ARHGAP20: variants seen among roughly 807,000 people sequenced by gnomAD.
The protein encoded by ARHGAP20 is Rho GTPase activating protein 20, also known as rho GTPase-activating protein 20.
ARHGAP20 carries 34 observed loss-of-function variants against 73.7 expected under a neutral mutation model. The ratio of observed to expected loss-of-function variants is 0.46; its 90% CI spans 0.35 to 0.61. ARHGAP20 has a LOEUF of 0.61. Ranked by LOEUF, ARHGAP20 falls within the 20% of genes least tolerant of loss-of-function variation. The pLI is 0.00. For synonymous variants in ARHGAP20, 523 were observed against 518.2 expected (o/e 1.01, Z -0.13); for missense variants, 1,314 against 1,420.9 (o/e 0.92, Z 1.21).
intron 2 of ARHGAP20, among the ~76,000 whole-genome samples, chr11:110,685,599 T>C (rs1161659341): frequency 6.6e-6 from 1 of 152,146 alleles, no homozygotes; most frequent in Admixed American, 6.5e-5. Flanking sequence ...TACAGTTAAC[T>C]CATCAGTTAA....
chr11:110,583,797 A>G, intron 12 of ARHGAP20, 60 bp from the exon 13 acceptor site: 4 of 1,355,842 alleles, frequency 3.0e-6, no homozygotes, highest in Non-Finnish European at 3.9e-6. Context: ...TGTAAAGACA[A>G]GCAACTCTCA....
intron 2 of ARHGAP20, among the ~76,000 whole-genome samples, chr11:110,670,393 A>G (rs969574822): frequency 2.0e-5 from 3 of 152,068 alleles, no homozygotes; most frequent in African/African-American, 7.2e-5. Context: ...TGAAAGAAGG[A>G]ACATTATAGC....
intron 1 of ARHGAP20, among the ~76,000 whole-genome samples, chr11:110,700,610 T>G (rs1565484904): frequency 1.3e-5 from 2 of 151,980 alleles, no homozygotes; most frequent in African/African-American, 4.8e-5. Context: ...TTATTATACT[T>G]TAAGTTTTAG....
At chr11:110,598,562 T>C (rs1296450928) in intron 9 of ARHGAP20, among the ~76,000 whole-genome samples, 2 of 152,250 alleles carry the variant, frequency 1.3e-5, no homozygotes, top group Admixed American at 1.3e-4. Context: ...AAGTAGATTA[T>C]ATAAACAGAT....
intron 9 of ARHGAP20, among the ~76,000 whole-genome samples, chr11:110,602,981 GA>G (rs1299697301): frequency 6.6e-6 from 1 of 152,168 alleles, no homozygotes; most frequent in Non-Finnish European, 1.5e-5. Context: ...GTGTGGAGCA[GA>G]AAAAGGTGTA....
chr11:110,615,723 T>G (rs959032222), intron 4 of ARHGAP20, 129 bp from the exon 5 acceptor site: 3 of 768,588 alleles, frequency 3.9e-6, no homozygotes, highest in Non-Finnish European at 6.4e-6. Flanking sequence ...ACACATAAGC[T>G]GCAACCTTGG....
At chr11:110,674,477 T>C (rs180909546) in intron 2 of ARHGAP20, among the ~76,000 whole-genome samples, 1 of 152,288 alleles carries the variant, frequency 6.6e-6, no homozygotes, top group Admixed American at 6.5e-5. Context: ...ATACTTGATC[T>C]CATGTGACAA....
intron 14 of ARHGAP20, 61 bp from the exon 15 acceptor site, chr11:110,581,286 C>G (rs1947461725): frequency 1.4e-6 from 2 of 1,454,560 alleles, no homozygotes; most frequent in African/African-American, 3.3e-5. Flanking sequence ...CTCATGCTTC[C>G]TTAAGAACAA....
At chr11:110,678,357 A>G (rs74497698) in intron 2 of ARHGAP20, among the ~76,000 whole-genome samples, 3,164 of 152,334 alleles carry the variant, frequency 0.021, 101 homozygotes, top group African/African-American at 0.07. Context: ...GGTGAATTAT[A>G]CCATAAGAAC....
chr11:110,639,651 T>C (rs906108927), intron 2 of ARHGAP20, among the ~76,000 whole-genome samples: 3 of 152,054 alleles, frequency 2.0e-5, no homozygotes, highest in African/African-American at 4.8e-5. Context: ...TCTGTCTCTA[T>C]GGAGTTGCCT....
chr11:110,708,744 TAGAA>T (rs1344102337), intron 1 of ARHGAP20, among the ~76,000 whole-genome samples: 1 of 152,114 alleles, frequency 6.6e-6, no homozygotes, highest in Non-Finnish European at 1.5e-5. Flanking sequence ...ATTAAGGAAT[TAGAA>T]AGGGACATGA....
At chr11:110,645,339 A>C (rs1949167866) in intron 2 of ARHGAP20, among the ~76,000 whole-genome samples, 1 of 152,122 alleles carries the variant, frequency 6.6e-6, no homozygotes, top group Non-Finnish European at 1.5e-5. Flanking sequence ...GAAGACATAC[A>C]AGTGGCCCAC....
chr11:110,634,314 T>C, intron 2 of ARHGAP20, among the ~76,000 whole-genome samples: 1 of 152,068 alleles, frequency 6.6e-6, no homozygotes, highest in South Asian at 2.1e-4. Context: ...AAGGTGACTT[T>C]AAGGATTCTA....
chr11:110,608,450 C>G (rs1294629992), intron 8 of ARHGAP20, among the ~76,000 whole-genome samples: 1 of 152,056 alleles, frequency 6.6e-6, no homozygotes, highest in South Asian at 2.1e-4. Flanking sequence ...AATTTAATTA[C>G]TGAAGTAGCA....
At chr11:110,669,181 T>C (rs116312071) in intron 2 of ARHGAP20, among the ~76,000 whole-genome samples, 1 of 152,318 alleles carries the variant, frequency 6.6e-6, no homozygotes, top group African/African-American at 2.4e-5. Context: ...GCAAGTTATA[T>C]ACTAGGGTAA....
intron 2 of ARHGAP20, among the ~76,000 whole-genome samples, chr11:110,631,854 C>T (rs1359946131): frequency 6.6e-6 from 1 of 152,154 alleles, no homozygotes; most frequent in Non-Finnish European, 1.5e-5. Context: ...CCAGTCAATC[C>T]TGACTTGATC....
rs767457884 is a variant in ARHGAP20 at position 110,580,102 on chromosome 11, T to C, written c.2844A>G (p.Ser948=). Residue 948 remains serine, a synonymous_variant, in exon 15 of 15, where the codon TCA becomes TCG. Transcript: ENST00000683387. ...AAGCACTGTCTTGGGAGCTTACTGA[T>C]GAGCCGGATGGGGAAGTGCCTGGGG... ...LSSPGTSPSG[S]SVSSQDSAFS... The C allele has an allele frequency of 6.2e-7, 1 of 1,614,176 alleles. No individual in the cohort carries two copies. The highest frequency in any genetic ancestry group is 8.5e-7 in the Non-Finnish European group (1 of 1,180,024).
At chr11:110,591,873 C>A in intron 10 of ARHGAP20, 104 bp downstream of exon 10, 1 of 1,189,166 alleles carries the variant, frequency 8.4e-7, no homozygotes, top group East Asian at 2.4e-5. Flanking sequence ...TAGCCAAAGA[C>A]AGTGGTGTCT....
rs182507392 is a variant in ARHGAP20 at position 110,585,910 on chromosome 11, A to G, written c.1415+306T>C. 8.6e-4 allele frequency among the ~76,000 whole-genome samples: 131 copies of G among 152,198 alleles called. 1 individual carries two copies. Among genetic ancestry groups the G allele is most frequent in the African/African-American group, 2.9e-3 (120 of 41,486 alleles). On this transcript the variant is annotated intron_variant, in intron 12 of 14. Transcript: ENST00000683387. ...CTTCAGTTGGTGAATGCAATATATG[A>G]TGAGTTGTCTGGTTAAATATTTACA...
Sources: allele counts gnomAD v4.1 joint callset (sites outside exome capture counted in the v4.1 genomes callset), GRCh38; gene constraint gnomAD v4.1.1; transcripts MANE v1.5; gene names NCBI Gene and HGNC (gene_info 2026-07-23, HGNC 2026-07-21).